The following PTPRU variants were observed in gnomAD, a reference collection of about 807,000 sequenced individuals.
The protein encoded by PTPRU is protein tyrosine phosphatase receptor type U.
PTPRU carries 69 observed loss-of-function variants against 166.3 expected under a neutral mutation model. The observed-to-expected ratio is 0.41, with a 90% CI of 0.34 to 0.51. The LOEUF (loss-of-function observed/expected upper bound fraction) is 0.51, where lower values mean the gene tolerates loss of function less well. Ranked by LOEUF, PTPRU falls within the 20% of genes least tolerant of loss-of-function variation. The pLI, the probability that PTPRU is intolerant of heterozygous loss-of-function variation, is 0.09. For synonymous variants in PTPRU, 793 were observed against 814.0 expected (o/e 0.97, Z 0.44); for missense variants, 1,657 against 2,013.7 (o/e 0.82, Z 3.39).
At position 29,260,253 on chromosome 1, in the gene PTPRU, A is replaced by G. The variant is rs550697403; in HGVS notation, c.850+209A>G. 5.0e-5 allele frequency: 27 copies of G among 542,758 alleles called. No individual in the cohort carries two copies. The highest frequency in any genetic ancestry group is 3.2e-4 in the East Asian group (9 of 28,340). 33.6% of individuals were successfully genotyped at this position (542,758 alleles called of 1,614,324 possible). ...GGGGTCGGGGCTGGCTTCGAGGGGG[A>G]CGGACAGGGTCAAGGTGAGAGCCTA... On this transcript the variant is annotated intron_variant, in intron 6 of 29. Coordinates refer to ENST00000373779, the MANE Select transcript of PTPRU (RefSeq NM_133178.4). The surrounding 1 kb of genome is among the most constrained non-coding windows in gnomAD (Gnocchi z 8.3).
intron 15 of PTPRU, 51 bp from the exon 16 acceptor site, chr1:29,303,804 C>A (rs143038249): frequency 1.3e-6 from 2 of 1,512,836 alleles, no homozygotes; most frequent in South Asian, 2.4e-5. Context: ...CCAGGACCCC[C>A]GAGGCTGGGG....
In PTPRU at chr1:29,236,732, G is replaced by A; in HGVS notation, c.73+15G>A. On this transcript the variant is annotated intron_variant, in intron 1 of 29. Transcript: ENST00000373779. The surrounding 1 kb of genome is among the most constrained non-coding windows in gnomAD (Gnocchi z 4.6). ...GACTCCGGCAGGTAAGCGCGCGGCG[G>A]CCGGACCGAGCCTGCCCCGCCGAGC... The A allele has an allele frequency of 7.1e-7, 1 of 1,414,086 alleles. No homozygotes were observed. 87.6% of individuals were successfully genotyped at this position (1,414,086 alleles called of 1,614,324 possible).
rs368288773 is a variant in PTPRU, at chr1:29,325,344, G to A, written c.4248+18G>A. On this transcript the variant is annotated intron_variant, in intron 29 of 29. Transcript: ENST00000373779. ...AGACCATGGTGAGGGGCTGTGTCCC[G>A]TGCCCAGCCACTTCCACCTTCCTGG... The A allele has an allele frequency of 1.9e-6, 3 of 1,613,214 alleles. No homozygotes were observed. The highest frequency in any genetic ancestry group is 1.3e-5 in the African/African-American group (1 of 74,912).
chr1:29,258,809 C>T, intron 3 of PTPRU, 33 bp downstream of exon 3: 1 of 1,537,012 alleles, frequency 6.5e-7, no homozygotes, highest in Non-Finnish European at 8.7e-7. Context: ...TCAGCCTGTG[C>T]CTGGAGGTGG....
chr1:29,263,356 T>A (rs1374259494), intron 7 of PTPRU, among the ~76,000 whole-genome samples: 2 of 152,262 alleles, frequency 1.3e-5, no homozygotes, highest in Non-Finnish European at 2.9e-5. Flanking sequence ...CATTCTTTTT[T>A]ATTGCTTAAT....
intron 1 of PTPRU, among the ~76,000 whole-genome samples, chr1:29,247,999 A>G (rs2151940793): frequency 6.6e-6 from 1 of 152,244 alleles, no homozygotes; most frequent in East Asian, 1.9e-4. Flanking sequence ...ATGACCCATC[A>G]GTTTGTCAGG....
At chr1:29,318,715 C>T (rs183867361) in intron 25 of PTPRU, among the ~76,000 whole-genome samples, 73 of 152,370 alleles carry the variant, frequency 4.8e-4, no homozygotes, top group Middle Eastern at 3.4e-3. Flanking sequence ...CACCCCTCCC[C>T]GTCAGGGACT....
In PTPRU at chr1:29,237,508, T is replaced by G. The variant is rs1415972192; in HGVS notation, c.73+791T>G. On this transcript the variant is annotated intron_variant, in intron 1 of 29. Coordinates refer to ENST00000373779, the MANE Select transcript of PTPRU (RefSeq NM_133178.4). This position sits in a 1 kb window ranked among gnomAD's most constrained non-coding sequence, Gnocchi z 6.4. The stretch of plus-strand genomic sequence containing the variant: ...AGCGCGCCTGGGCCGCGGCTGCGAG[T>G]GTGCCCTGGTCCCGGGGCCGCCCGA... 1.3e-5 allele frequency among the ~76,000 whole-genome samples: 2 copies of G among 150,702 alleles called. No individual in the cohort carries two copies. Among genetic ancestry groups the G allele is most frequent in the Non-Finnish European group, 3.0e-5 (2 of 67,596 alleles).
chr1:29,258,774 CA>C lies in PTPRU; in HGVS notation c.476del (p.Gln159ArgfsTer18). 10 of 1,570,674 alleles carry C rather than the reference CA, an allele frequency of 6.4e-6. No homozygotes were observed. The highest frequency in any genetic ancestry group is 8.6e-6 in the Non-Finnish European group (10 of 1,157,354). On this transcript the variant is annotated frameshift_variant and splice_region_variant, in exon 3 of 30. Transcript: ENST00000373779. LOFTEE classifies it high-confidence loss of function. ...AVSTFWPNEY[Q>X]VLFEALISPD... is the part of the protein sequence containing the mutation. ...CAGCACTTTCTGGCCCAATGAATATCAGGTGGGCTGGGTTCAGTCAGCGGTC... is the reference window on the plus strand; with the variant it reads ...CAGCACTTTCTGGCCCAATGAATATCGGTGGGCTGGGTTCAGTCAGCGGTC...
At chr1:29,289,000 G>T (rs1686492617) in intron 14 of PTPRU, among the ~76,000 whole-genome samples, 1 of 152,186 alleles carries the variant, frequency 6.6e-6, no homozygotes, top group African/African-American at 2.4e-5. Context: ...GGCAGGCAGG[G>T]TAGGTAAGGG....
Position 29,303,880 on chromosome 1 carries a change from T to C in PTPRU, c.2502T>C (p.Thr834=). ...GAGACCAGCGCAGCGGTGGGGTCAC[T>C]GAGGCCAGCAGCCTCCTGGGGGGCT... ...TRGDQRSGGV[T]EASSLLGGSP... The change falls in exon 16 of 30, where the codon ACT becomes ACC. Residue 834 remains threonine (T), a synonymous_variant. Transcript: ENST00000373779. The C allele has an allele frequency of 1.2e-6, 2 of 1,611,986 alleles. No homozygotes were observed. Among genetic ancestry groups the C allele is most frequent in the Non-Finnish European group, 1.7e-6 (2 of 1,178,356 alleles).
At position 29,275,753 on chromosome 1, in the gene PTPRU, G is replaced by A; in HGVS notation, c.1450G>A (p.Asp484Asn). 6.2e-7 allele frequency: 1 copy of A among 1,613,260 alleles called. No homozygotes were observed. The highest frequency in any genetic ancestry group is 2.2e-5 in the East Asian group (1 of 44,882). Reference sequence around the variant, plus strand: ...GGAGGTCACTTTCCAGACGGATGAGGATGGTAAGAGTCTCAGTCCCAATTC... The same window carrying A: ...GGAGGTCACTTTCCAGACGGATGAGAATGGTAAGAGTCTCAGTCCCAATTC... ...GKEVTFQTDE[D>N]VPSGIAAESL... Residue 484 changes from aspartate (D) to asparagine (N), a missense_variant, in exon 8 of 30, where the codon GAT becomes AAT. Around this residue, in one of 3 missense-constraint regions of PTPRU, gnomAD observed 1,190 missense variants for 1,477.4 expected, o/e 0.81. Transcript: ENST00000373779.
At chr1:29,314,133 T>G (rs1017813061) in intron 22 of PTPRU, among the ~76,000 whole-genome samples, 1 of 152,138 alleles carries the variant, frequency 6.6e-6, no homozygotes, top group Non-Finnish European at 1.5e-5. Flanking sequence ...TAAATGACAG[T>G]GTGTTTGTCC....
At chr1:29,298,951 A>G (rs1353119948) in intron 15 of PTPRU, among the ~76,000 whole-genome samples, 1 of 152,240 alleles carries the variant, frequency 6.6e-6, no homozygotes, top group Non-Finnish European at 1.5e-5. Context: ...GCTAGCTCTT[A>G]TTACAGGCTG....
chr1:29,321,926 C>G (rs1189432249), intron 26 of PTPRU, among the ~76,000 whole-genome samples: 11 of 152,220 alleles, frequency 7.2e-5, no homozygotes, highest in Admixed American at 7.2e-4. Context: ...GTACAGATAC[C>G]CAGCCTTCCA....
intron 26 of PTPRU, among the ~76,000 whole-genome samples, chr1:29,321,521 A>G (rs1361149517): frequency 6.6e-6 from 1 of 152,210 alleles, no homozygotes; most frequent in East Asian, 1.9e-4. Flanking sequence ...CCCCAGCCTC[A>G]GCTGCCTCAT....
Position 29,237,145 on chromosome 1 carries a change from C to T in PTPRU, c.73+428C>T, listed in dbSNP as rs530784035. Among the ~76,000 whole-genome samples the T allele has an allele frequency of 2.0e-5, 3 of 152,104 alleles. No homozygotes were observed. Among genetic ancestry groups the T allele is most frequent in the African/African-American group, 7.2e-5 (3 of 41,484 alleles). On this transcript the variant is annotated intron_variant, in intron 1 of 29. Transcript: ENST00000373779. This position sits in a 1 kb window ranked among gnomAD's most constrained non-coding sequence, Gnocchi z 6.4. ...GGGAGTGCTGTTTGTTTTGTGTCTG[C>T]GAGTGGGTTGTGTGTTTGTGTTATG...
chr1:29,262,818 G>A (rs746580203), intron 7 of PTPRU, among the ~76,000 whole-genome samples: 3 of 151,904 alleles, frequency 2.0e-5, no homozygotes, highest in Non-Finnish European at 4.4e-5. Flanking sequence ...AGGAAATTTT[G>A]TACTCTTTAG....
chr1:29,315,529 CCCA>C lies in PTPRU; in HGVS notation c.3363+26_3363+28del. 1 of 1,613,858 alleles carries C rather than the reference CCCA, an allele frequency of 6.2e-7. No homozygotes were observed. Among genetic ancestry groups the C allele is most frequent in the Non-Finnish European group, 8.5e-7 (1 of 1,179,928 alleles). The stretch of plus-strand genomic sequence containing the variant: ...TGAGGTGCGGGGACCTGGCCCTGTC[CCCA>C]CCATTATTACTTCTAGGACTGGAGT... On this transcript the variant is annotated intron_variant, in intron 23 of 29. Transcript: ENST00000373779. This position sits in a 1 kb window ranked among gnomAD's most constrained non-coding sequence, Gnocchi z 4.5.
Sources: gnomAD v4.1 joint callset for allele counts (sites outside exome capture counted in the v4.1 genomes callset) on GRCh38, gnomAD v4.1.1 for gene constraint, gnomAD v4.1.1 regional missense constraint, Gnocchi (gnomAD v3.1) non-coding constraint, MANE v1.5 for transcripts, NCBI Gene and HGNC (gene_info 2026-07-23, HGNC 2026-07-21) for gene names.